The following ART3 variants were observed in gnomAD, a reference collection of about 807,000 sequenced individuals.
ART3 encodes the protein ecto-ADP-ribosyltransferase 3.
ART3 carries 49 observed loss-of-function variants against 48.5 expected under a neutral mutation model. The ratio of observed to expected loss-of-function variants is 1.01; its 90% CI spans 0.80 to 1.28. The LOEUF (loss-of-function observed/expected upper bound fraction) is 1.28, where lower values mean the gene tolerates loss of function less well. ART3 is among the 50% of genes most tolerant of loss of function. The pLI is 0.00. For missense variants in ART3, 438 were observed against 454.3 expected, an observed-to-expected ratio of 0.96 and a Z score of 0.33; for synonymous variants, 145 against 157.2, an observed-to-expected ratio of 0.92 and a Z score of 0.58.
intron 1 of ART3, among the ~76,000 whole-genome samples, chr4:76,059,655 A>G (rs1360098400): frequency 1.3e-5 from 2 of 152,194 alleles, no homozygotes; most frequent in Non-Finnish European, 2.9e-5. Context: ...CTCTCATTAC[A>G]TATTCAGGCA....
chr4:76,022,294 T>C lies in ART3; in HGVS notation c.-10+10974T>C, dbSNP rs1732915831. 4.8e-6 allele frequency: 6 copies of C among 1,237,598 alleles called. No homozygotes were observed. The Admixed American group carries it at 6.7e-5, about 14-fold the overall frequency. 76.7% of individuals were successfully genotyped at this position (1,237,598 alleles called of 1,614,324 possible). On this transcript the variant is annotated intron_variant, in intron 1 of 9. Coordinates refer to the ART3 transcript ENST00000341029. ...CCAGCGATTGCACAGCAAACCACAA[T>C]GCAAGTATTTCTGACTCCCAAGATT...
chr4:76,048,495 C>A (rs4532263), intron 1 of ART3, among the ~76,000 whole-genome samples: 1 of 150,872 alleles, frequency 6.6e-6, no homozygotes, highest in Non-Finnish European at 1.5e-5. Flanking sequence ...CAAAACCACC[C>A]GTGGTTTTGG....
rs571546555 is a variant in ART3 at position 76,014,511 on chromosome 4, G to T, written c.-10+3191G>T. On this transcript the variant is annotated intron_variant, in intron 1 of 9. Transcript: ENST00000341029. ...AATTTTCAAGGCTGAGAAGTAGAAA[G>T]AAAAAAGAATGAAGAAAAGTGAACA... is the stretch of plus-strand genomic sequence containing the variant. Among the ~76,000 whole-genome samples the T allele has an allele frequency of 2.0e-5, 3 of 152,072 alleles. No homozygotes were observed. In the South Asian group the frequency reaches 6.2e-4, roughly 32 times the overall value.
upstream of ART3, among the ~76,000 whole-genome samples, chr4:76,070,895 C>T (rs923715927): frequency 6.6e-6 from 1 of 152,002 alleles, no homozygotes; most frequent in Non-Finnish European, 1.5e-5. Context: ...ACCTCTCCTG[C>T]TCTTATCTAA....
At chr4:76,106,060 A>C in intron 10 of ART3, 1 of 985,378 alleles carries the variant, frequency 1.0e-6, no homozygotes, top group Non-Finnish European at 1.2e-6. Flanking sequence ...AAAACAGTAC[A>C]CAGGAGCTCA....
intron 1 of ART3, chr4:76,022,611 C>CT (rs11298565): frequency 6.7e-7 from 1 of 1,489,726 alleles, no homozygotes; most frequent in Non-Finnish European, 9.1e-7. Flanking sequence ...CTTTACTGAT[C>CT]TTTTTTTATT....
At chr4:76,097,783 T>A in intron 4 of ART3, 107 bp downstream of exon 4, 1 of 902,880 alleles carries the variant, frequency 1.1e-6, no homozygotes, top group Admixed American at 2.1e-5. Context: ...CTGTCAAACA[T>A]CATTTTCTCA....
chr4:76,036,047 T>C (rs1041633998), intron 1 of ART3: 33 of 1,503,664 alleles, frequency 2.2e-5, no homozygotes, highest in Non-Finnish European at 2.7e-5. Flanking sequence ...GCTGCTCTTC[T>C]TGGAAGGAGT....
intron 1 of ART3, among the ~76,000 whole-genome samples, chr4:76,066,460 C>T (rs1719747517): frequency 6.6e-6 from 1 of 152,144 alleles, no homozygotes; most frequent in African/African-American, 2.4e-5. Context: ...CTTCTCTCTG[C>T]TCGCTGGTCA....
At chr4:76,105,452 T>C in intron 10 of ART3, 2 of 1,250,068 alleles carry the variant, frequency 1.6e-6, no homozygotes, top group Non-Finnish European at 2.1e-6. Context: ...CCTAGCAAAA[T>C]GAATGGTGGT....
At position 76,100,826 on chromosome 4, in the gene ART3, T is replaced by G. The variant is rs1727133775; in HGVS notation, c.907+2T>G. 1 of 1,610,804 alleles carries G rather than the reference T, an allele frequency of 6.2e-7. No homozygotes were observed. The highest frequency in any genetic ancestry group is 1.3e-5 in the African/African-American group (1 of 74,194). Reference sequence around the variant, plus strand: ...AAAACTGGAAGCTTGAAGACCATGGTAAGACATTTTTTATAAATTCTGGGG... The same window carrying G: ...AAAACTGGAAGCTTGAAGACCATGGGAAGACATTTTTTATAAATTCTGGGG... On this transcript the variant is annotated splice_donor_variant, in intron 7 of 11. Coordinates refer to ENST00000355810, the MANE Select transcript of ART3 (RefSeq NM_001130016.3). LOFTEE classifies it high-confidence loss of function.
chr4:76,048,301 T>C (rs1735707087), intron 1 of ART3, among the ~76,000 whole-genome samples: 1 of 151,940 alleles, frequency 6.6e-6, no homozygotes, highest in South Asian at 2.1e-4. Context: ...GATAGTATTA[T>C]AATTTGTACT....
intron 1 of ART3, among the ~76,000 whole-genome samples, chr4:76,055,232 G>A (rs1718573785): frequency 6.6e-6 from 1 of 152,198 alleles, no homozygotes. Flanking sequence ...AGCTCTGAGT[G>A]TCTACCTCTC....
chr4:76,018,273 A>G (rs1732444092), intron 1 of ART3, among the ~76,000 whole-genome samples: 1 of 152,216 alleles, frequency 6.6e-6, no homozygotes, highest in African/African-American at 2.4e-5. Flanking sequence ...GAACAAAATC[A>G]TGTCCTTTGC....
chr4:76,031,033 A>T (rs1733827560), intron 1 of ART3, among the ~76,000 whole-genome samples: 1 of 152,110 alleles, frequency 6.6e-6, no homozygotes, highest in African/African-American at 2.4e-5. Context: ...AATTACTATA[A>T]TTATGTTTAA....
chr4:76,034,633 C>T (rs1365594648), intron 1 of ART3: 25 of 665,146 alleles, frequency 3.8e-5, no homozygotes, highest in Non-Finnish European at 6.2e-5. Context: ...TTTCACCCAC[C>T]TTTCATCCTT....
At chr4:76,103,027 C>T (rs17001390) in intron 8 of ART3, among the ~76,000 whole-genome samples, 22,691 of 152,034 alleles carry the variant, frequency 0.15, 1,843 homozygotes, top group East Asian at 0.34. Flanking sequence ...TTTCTCAAAG[C>T]GTTCTGAGTT....
At chr4:76,022,297 A>T in intron 1 of ART3, 1 of 1,263,256 alleles carries the variant, frequency 7.9e-7, no homozygotes, top group Non-Finnish European at 1.2e-6. Flanking sequence ...ACCACAATGC[A>T]AGTATTTCTG....
At chr4:76,049,459 T>C (rs6811469) in intron 1 of ART3, among the ~76,000 whole-genome samples, 89,428 of 151,288 alleles carry the variant, frequency 0.59, 27,559 homozygotes, top group East Asian at 0.94. Context: ...CTGTCGACCC[T>C]CGGCTCAGCC....
Sources: gnomAD v4.1 joint callset for allele counts (sites outside exome capture counted in the v4.1 genomes callset) on GRCh38, gnomAD v4.1.1 for gene constraint, MANE v1.5 for transcripts, NCBI Gene and HGNC (gene_info 2026-07-23, HGNC 2026-07-21) for gene names.